Variants in ANKRD39 observed in about 807,000 individuals in gnomAD.
The protein encoded by ANKRD39 is ankyrin repeat domain 39.
In ANKRD39, 18 loss-of-function variants were observed where a neutral mutation model predicts 20.3. The ratio of observed to expected loss-of-function variants is 0.89; its 90% CI spans 0.61 to 1.32. The LOEUF is 1.32. Among genes scored for constraint, ANKRD39 ranks in the 40% most tolerant of loss-of-function variants. The probability of loss-of-function intolerance (pLI) is 0.00; values close to 1 mark genes in which losing one functional copy is unlikely to be tolerated. For missense variants in ANKRD39, 243 were observed against 250.7 expected (o/e 0.97, Z 0.21); for synonymous variants, 106 against 111.9 (o/e 0.95, Z 0.33).
intron 1 of ANKRD39, among the ~76,000 whole-genome samples, chr2:96,857,574 G>A (rs1451510305): frequency 6.6e-6 from 1 of 152,242 alleles, no homozygotes; most frequent in African/African-American, 2.4e-5. Context: ...TGCTCCCCGG[G>A]CCCTCTCTCA....
chr2:96,848,177 C>G lies in ANKRD39; in HGVS notation c.*124G>C, dbSNP rs2079819048. On this transcript the variant is annotated 3_prime_UTR_variant, in exon 4 of 4. Transcript: ENST00000393537. ...CTCCCTCGCTTCCACAGTGACCAGACTGGGGCTCTTCCTGGGTGGTCTGGC... is the reference window on the plus strand; with the variant it reads ...CTCCCTCGCTTCCACAGTGACCAGAGTGGGGCTCTTCCTGGGTGGTCTGGC... 5.1e-6 allele frequency: 7 copies of G among 1,377,840 alleles called. No individual in the cohort carries two copies. The East Asian group carries it at 1.6e-4, about 32-fold the overall frequency. The allele number at this position is 1,377,840 out of a possible 1,614,324, so 85.4% of individuals were successfully genotyped here. A position where few individuals can be genotyped will look rare whatever the true frequency, so the allele number is the denominator to read the frequency against.
intron 2 of ANKRD39, 113 bp from the exon 3 acceptor site, chr2:96,853,717 G>A: frequency 9.7e-7 from 1 of 1,026,520 alleles, no homozygotes; most frequent in Non-Finnish European, 1.4e-6. Context: ...CATCTCAGGT[G>A]CCAACCCCAG....
intron 1 of ANKRD39, among the ~76,000 whole-genome samples, chr2:96,857,191 G>C (rs1201329648): frequency 6.6e-6 from 1 of 152,172 alleles, no homozygotes; most frequent in Non-Finnish European, 1.5e-5. Flanking sequence ...CAGAACCACG[G>C]TAAAGGAAGA....
rs566608915 is a variant in ANKRD39, at chr2:96,851,747, T to C, written c.408+1654A>G. On this transcript the variant is annotated intron_variant, in intron 3 of 3. Coordinates refer to ENST00000393537, the MANE Select transcript of ANKRD39 (RefSeq NM_016466.6). ...CAGGTGAGCTCACCATGTCTAGGGA[T>C]CAGGAAAGGCTCTCGTGGGGTGTGA... Among the ~76,000 whole-genome samples, 6 of 151,994 alleles carry C rather than the reference T, an allele frequency of 3.9e-5. No homozygotes were observed. The East Asian group carries it at 1.2e-3, about 29-fold the overall frequency.
At chr2:96,850,841 A>T (rs1354708930) in intron 3 of ANKRD39, among the ~76,000 whole-genome samples, 1 of 152,218 alleles carries the variant, frequency 6.6e-6, no homozygotes, top group Non-Finnish European at 1.5e-5. Flanking sequence ...CTGTCATGTG[A>T]GTTGTAGCAG....
chr2:96,857,810 T>C (rs975781020), intron 1 of ANKRD39, 78 bp downstream of exon 1: 2 of 1,441,210 alleles, frequency 1.4e-6, no homozygotes, highest in African/African-American at 2.9e-5. Context: ...GCCCCGTTCA[T>C]CCGCCTCTCC....
At chr2:96,855,467 G>A (rs1397908709) in intron 1 of ANKRD39, among the ~76,000 whole-genome samples, 1 of 152,226 alleles carries the variant, frequency 6.6e-6, no homozygotes, top group Non-Finnish European at 1.5e-5. Flanking sequence ...GCTCACGCCT[G>A]TAATCCCAGC....
chr2:96,853,317 C>T (rs2079846745), intron 3 of ANKRD39, 84 bp downstream of exon 3: 2 of 1,451,078 alleles, frequency 1.4e-6, no homozygotes, highest in Non-Finnish European at 1.9e-6. Context: ...CTCTGATTTC[C>T]TGTTTTCCCC....
chr2:96,857,617 G>C (rs530697544), intron 1 of ANKRD39, among the ~76,000 whole-genome samples: 8 of 152,390 alleles, frequency 5.2e-5, no homozygotes, highest in South Asian at 2.1e-4. Flanking sequence ...TCCCAGGGGA[G>C]GTCGTCCCCC....
intron 3 of ANKRD39, among the ~76,000 whole-genome samples, chr2:96,850,380 G>A (rs1238613955): frequency 2.6e-5 from 4 of 152,128 alleles, no homozygotes; most frequent in Admixed American, 6.6e-5. Context: ...AGACACATAC[G>A]CAGGCCAGGT....
intron 3 of ANKRD39, among the ~76,000 whole-genome samples, chr2:96,850,482 A>G (rs544429752): frequency 2.6e-4 from 40 of 152,256 alleles, no homozygotes; most frequent in Non-Finnish European, 4.6e-4. Flanking sequence ...CCTAGCCAAC[A>G]TGGTGAAACT....
chr2:96,857,937 G>T lies in ANKRD39; in HGVS notation c.51C>A (p.Ser17Arg), dbSNP rs1414199642. The T allele has an allele frequency of 2.5e-6, 4 of 1,582,158 alleles. No homozygotes were observed. The Admixed American group carries it at 5.2e-5, about 21-fold the overall frequency. ...GCGTCTGCTGTACGCCGAGCACCGC[G>T]CTGGGATGCGAGCAGCAGGGCCCGT... ...CADGPCCSHP[S>R]AVLGVQQTLE... Residue 17 changes from serine (S) to arginine (R), a missense_variant, in exon 1 of 4, where the codon AGC (serine) becomes AGA (arginine). By Grantham distance (110) the Ser-to-Arg change is moderately radical. Coordinates refer to ENST00000393537, the MANE Select transcript of ANKRD39 (RefSeq NM_016466.6).
At position 96,853,474 on chromosome 2, in the gene ANKRD39, A is replaced by G. The variant is rs756913352; in HGVS notation, c.335T>C (p.Ile112Thr). Reference protein sequence around the residue: ...HRASYCGHTEIARLLLSHGSN... With the variant: ...HRASYCGHTETARLLLSHGSN... ...CCCATGTGATAGCAGGAGCCGCGCG[A>G]TTTCAGTGTGCCCGCAGTAGCTGGC... The change falls in exon 3 of 4, where the codon ATC becomes ACC. Residue 112 changes from isoleucine (I) to threonine (T), a missense_variant. Physicochemically the swap from Ile to Thr is moderately conservative, Grantham distance 89 (BLOSUM62 -1). Transcript: ENST00000393537. 6.2e-7 allele frequency: 1 copy of G among 1,608,862 alleles called. No individual in the cohort carries two copies. Among genetic ancestry groups the G allele is most frequent in the Non-Finnish European group, 8.5e-7 (1 of 1,177,708 alleles).
rs148876416 is a variant in ANKRD39, at chr2:96,848,321, G to T, written c.532C>A (p.Arg178=). ...CDLLPCNSDL[R]DLLSS The stretch of plus-strand genomic sequence containing the variant: ...GCGGCTCAGCTGGATAGCAGGTCCC[G>T]CAGGTCACTGTTGCAAGGCAGCAGG... The change falls in exon 4 of 4, where the codon CGG becomes AGG. Residue 178 remains arginine (R), a synonymous_variant. Transcript: ENST00000393537. The T allele has an allele frequency of 2.5e-6, 4 of 1,613,974 alleles. No homozygotes were observed. The highest frequency in any genetic ancestry group is 2.7e-5 in the African/African-American group (2 of 74,922).
At chr2:96,857,247 C>T (rs2079869650) in intron 1 of ANKRD39, among the ~76,000 whole-genome samples, 1 of 152,178 alleles carries the variant, frequency 6.6e-6, no homozygotes, top group Non-Finnish European at 1.5e-5. Flanking sequence ...AGGGCTGCAT[C>T]CGCAAGGGCA....
At chr2:96,850,971 C>T (rs1218468231) in intron 3 of ANKRD39, among the ~76,000 whole-genome samples, 1 of 138,358 alleles carries the variant, frequency 7.2e-6, no homozygotes. Flanking sequence ...CACCTATGCC[C>T]TATGCTAAGT....
At chr2:96,848,473 G>A (rs946433941) in intron 3 of ANKRD39, 29 bp from the exon 4 acceptor site, 2 of 1,612,052 alleles carry the variant, frequency 1.2e-6, no homozygotes, top group African/African-American at 2.7e-5. Context: ...GAATCAAAGG[G>A]CATACCCCCC....
intron 3 of ANKRD39, among the ~76,000 whole-genome samples, chr2:96,849,637 G>T (rs926319548): frequency 6.6e-6 from 1 of 151,920 alleles, no homozygotes; most frequent in Non-Finnish European, 1.5e-5. Flanking sequence ...GGGACAGAGC[G>T]AGACTCCATC....
rs188135735 is a variant in ANKRD39 at position 96,853,693 on chromosome 2, G to A, written c.205-89C>T. The A allele has an allele frequency of 2.8e-4, 364 of 1,312,820 alleles. 2 individuals carry two copies. The African/African-American group carries it at 4.4e-3, about 16-fold the overall frequency. The allele number at this position is 1,312,820 out of a possible 1,614,324, so 81.3% of individuals were successfully genotyped here. A position where few individuals can be genotyped will look rare whatever the true frequency, so the allele number is the denominator to read the frequency against. On this transcript the variant is annotated intron_variant, in intron 2 of 3. Coordinates refer to ENST00000393537, the MANE Select transcript of ANKRD39 (RefSeq NM_016466.6). ...GGTGAGAGCATGGCCTCCCTGCAGC[G>A]AGGGGCCTGGAATCATCTCAGGTGC... is the stretch of plus-strand genomic sequence containing the variant.
Sources: allele counts gnomAD v4.1 joint callset (sites outside exome capture counted in the v4.1 genomes callset), GRCh38; gene constraint gnomAD v4.1.1; transcripts MANE v1.5; gene names NCBI Gene and HGNC (gene_info 2026-07-23, HGNC 2026-07-21).